The following NLGN4X variants were observed in gnomAD, a reference collection of about 807,000 sequenced individuals.
The protein encoded by NLGN4X is neuroligin-4, X-linked.
NLGN4X carries 3 observed loss-of-function variants against 40.3 expected under a neutral mutation model. The ratio of observed to expected loss-of-function variants is 0.07; its 90% CI spans 0.03 to 0.19. NLGN4X has a LOEUF of 0.19. Among genes scored for constraint, NLGN4X ranks in the 10% least tolerant of loss-of-function variants. The pLI, the probability that NLGN4X is intolerant of heterozygous loss-of-function variation, is 1.00. For synonymous variants in NLGN4X, 270 were observed against 306.8 expected (o/e 0.88, Z 1.25); for missense variants, 382 against 708.3 (o/e 0.54, Z 5.23).
At chrX:6,070,148 C>A (rs1413954364) in intron 2 of NLGN4X, among the ~76,000 whole-genome samples, 1 of 110,348 alleles carries the variant, frequency 9.1e-6, no homozygotes, top group Non-Finnish European at 1.9e-5. Flanking sequence ...GTCATAGCAA[C>A]CCTCAATTCA....
At chrX:6,208,691 A>C (rs1212797121) in intron 1 of NLGN4X, among the ~76,000 whole-genome samples, 2 of 112,042 alleles carry the variant, frequency 1.8e-5, no homozygotes, top group African/African-American at 6.5e-5. Context: ...GATATCTGAG[A>C]CTGTCTGCAG....
At chrX:6,149,973 AAAAG>A (rs1037093949) in intron 2 of NLGN4X, among the ~76,000 whole-genome samples, 2 of 111,018 alleles carry the variant, frequency 1.8e-5, no homozygotes, top group African/African-American at 6.5e-5. Context: ...AAAAAAAAAA[AAAAG>A]AAGAAGAAGA....
At chrX:6,032,405 CA>C (rs34229775) in intron 2 of NLGN4X, among the ~76,000 whole-genome samples, 4,851 of 65,562 alleles carry the variant, frequency 0.074, 309 homozygotes, top group African/African-American at 0.22. Context: ...GCGACCAAGC[CA>C]AAAAAAAAAA....
chrX:6,041,484 G>C (rs2037154753), intron 2 of NLGN4X, among the ~76,000 whole-genome samples: 1 of 111,792 alleles, frequency 8.9e-6, no homozygotes, highest in Admixed American at 9.5e-5. Flanking sequence ...AAGCCCATAT[G>C]CTCCTGGAAG....
intron 3 of NLGN4X, among the ~76,000 whole-genome samples, chrX:5,928,510 G>C (rs1489825178): frequency 1.8e-5 from 2 of 111,882 alleles, no homozygotes; most frequent in Non-Finnish European, 3.8e-5. Flanking sequence ...GTATGATAGA[G>C]GTGTTTACAT....
chrX:5,938,382 T>C (rs964710715), intron 3 of NLGN4X, among the ~76,000 whole-genome samples: 1 of 108,809 alleles, frequency 9.2e-6, no homozygotes. Flanking sequence ...TCGGAGAATT[T>C]GGGGGATGCC....
chrX:6,001,779 C>T (rs1024951547), intron 3 of NLGN4X, among the ~76,000 whole-genome samples: 2 of 109,304 alleles, frequency 1.8e-5, no homozygotes, highest in African/African-American at 6.7e-5. Context: ...ACTGATAAAA[C>T]TTTGTTGCAA....
At chrX:6,192,897 T>C (rs1440137583) in intron 1 of NLGN4X, among the ~76,000 whole-genome samples, 1 of 111,433 alleles carries the variant, frequency 9.0e-6, no homozygotes, top group Non-Finnish European at 1.9e-5. Context: ...CAAGGAAGGA[T>C]GAGGTTCTTA....
At chrX:6,040,215 A>T (rs1388078546) in intron 2 of NLGN4X, among the ~76,000 whole-genome samples, 1 of 111,651 alleles carries the variant, frequency 9.0e-6, no homozygotes, top group Admixed American at 9.6e-5. Context: ...GCTGTATTAC[A>T]GGTGTGAGCC....
Position 6,116,210 on chromosome X carries a change from G to A in NLGN4X, c.472+34785C>T, listed in dbSNP as rs375827718. On this transcript the variant is annotated intron_variant, in intron 2 of 5. Transcript: ENST00000381095. ...CGGGAGGCTAAGGCAGGAGAATGGC[G>A]TGAACCCGGGAGGCAGAGTTTGCAG... Among the ~76,000 whole-genome samples, 36 of 96,498 alleles carry A rather than the reference G, an allele frequency of 3.7e-4. No individual in the cohort carries two copies. The East Asian group carries it at 0.011, about 28-fold the overall frequency. The allele number at this position is 96,498 out of a possible 115,157, so 83.8% of individuals were successfully genotyped here. A position where few individuals can be genotyped will look rare whatever the true frequency, so the allele number is the denominator to read the frequency against.
At chrX:5,941,264 T>A (rs1476101425) in intron 3 of NLGN4X, among the ~76,000 whole-genome samples, 1 of 105,346 alleles carries the variant, frequency 9.5e-6, no homozygotes, top group East Asian at 3.1e-4. Context: ...TTCTAAGGAA[T>A]ATTTCCTAAG....
intron 1 of NLGN4X, among the ~76,000 whole-genome samples, chrX:6,182,150 G>A (rs1921519706): frequency 8.9e-6 from 1 of 111,881 alleles, no homozygotes; most frequent in Admixed American, 9.5e-5. Context: ...AGGATATGTA[G>A]ACAGATGTCA....
chrX:6,057,712 C>T (rs1372919103), intron 2 of NLGN4X, among the ~76,000 whole-genome samples: 2 of 111,549 alleles, frequency 1.8e-5, no homozygotes, highest in Admixed American at 1.9e-4. Flanking sequence ...GTTCAAAGTT[C>T]TTGTTTGAAT....
Position 5,925,891 on chromosome X carries a change from T to TATATATATATACATACAC in NLGN4X, c.626-16653_626-16652insGTGTATGTATATATATAT, listed in dbSNP as rs2033279107. 5.0e-4 allele frequency among the ~76,000 whole-genome samples: 6 copies of TATATATATATACATACAC among 12,058 alleles called. No homozygotes were observed. The African/African-American group carries it at 5.3e-3, about 11-fold the overall frequency. The allele number at this position is 12,058 out of a possible 115,157, so 10.5% of individuals were successfully genotyped here. On this transcript the variant is annotated intron_variant, in intron 3 of 5. Coordinates refer to ENST00000381095, the MANE Select transcript of NLGN4X (RefSeq NM_181332.3). ...ATATATACATACACACATATATATA[T>TATATATATATACATACAC]ATATATATATATATATATATATATA... is the stretch of plus-strand genomic sequence containing the variant.
At chrX:6,117,632 C>G (rs2039332277) in intron 2 of NLGN4X, among the ~76,000 whole-genome samples, 1 of 112,018 alleles carries the variant, frequency 8.9e-6, no homozygotes, top group Non-Finnish European at 1.9e-5. Context: ...ACAAGCTACT[C>G]AAGTTACTCA....
At chrX:6,210,854 A>G (rs1050443642) in intron 1 of NLGN4X, among the ~76,000 whole-genome samples, 2 of 112,515 alleles carry the variant, frequency 1.8e-5, no homozygotes. Context: ...CGAGAAGATC[A>G]TTTTGACAGT....
intron 1 of NLGN4X, among the ~76,000 whole-genome samples, chrX:6,176,922 T>C (rs1920962288): frequency 9.0e-6 from 1 of 111,294 alleles, no homozygotes; most frequent in Admixed American, 9.6e-5. Context: ...GACCAATGAG[T>C]TAATATAAAA....
chrX:6,054,739 C>T (rs775967092), intron 2 of NLGN4X, among the ~76,000 whole-genome samples: 19 of 109,883 alleles, frequency 1.7e-4, no homozygotes, highest in Non-Finnish European at 2.1e-4. Flanking sequence ...CTCACTGCAA[C>T]CTCCATCTCC....
chrX:6,008,614 GCT>G (rs2065100719), intron 3 of NLGN4X, among the ~76,000 whole-genome samples: 1 of 111,937 alleles, frequency 8.9e-6, no homozygotes, highest in Non-Finnish European at 1.9e-5. Context: ...TACTGAACAT[GCT>G]CTAACATGGT....
Sources: allele counts gnomAD v4.1 joint callset (sites outside exome capture counted in the v4.1 genomes callset), GRCh38; gene constraint gnomAD v4.1.1; transcripts MANE v1.5; gene names NCBI Gene and HGNC (gene_info 2026-07-23, HGNC 2026-07-21).